PIK3C3: variants seen among roughly 807,000 people sequenced by gnomAD.
PIK3C3 encodes phosphatidylinositol 3-kinase catalytic subunit type 3.
In PIK3C3, 95 loss-of-function variants were observed where a neutral mutation model predicts 126.1. That is an observed-to-expected ratio of 0.75 (90% CI 0.64 to 0.89). The LOEUF is 0.89. Ranked by LOEUF, PIK3C3 falls within the 40% of genes least tolerant of loss-of-function variation. PIK3C3 has a pLI of 0.00. For missense variants in PIK3C3, 829 were observed against 1,063.2 expected, an observed-to-expected ratio of 0.78 and a Z score of 3.06; for synonymous variants, 374 against 360.0, an observed-to-expected ratio of 1.04 and a Z score of -0.44.
chr18:42,035,521 A>T (rs533266129), intron 16 of PIK3C3, among the ~76,000 whole-genome samples: 5 of 152,246 alleles, frequency 3.3e-5, no homozygotes, highest in African/African-American at 7.2e-5. Context: ...TTTTGACCTC[A>T]GTATTCAGTC....
At position 42,084,211 on chromosome 18, in the gene PIK3C3, G is replaced by A. The variant is rs1000339350; in HGVS notation, c.*3074G>A. 6.6e-6 allele frequency: 1 copy of A among 151,540 alleles called. No homozygotes were observed. Among genetic ancestry groups the A allele is most frequent in the East Asian group, 1.9e-4 (1 of 5,190 alleles). 9.4% of individuals were successfully genotyped at this position (151,540 alleles called of 1,614,324 possible). A position where few individuals can be genotyped will look rare whatever the true frequency, so the allele number is the denominator to read the frequency against. On this transcript the variant is annotated 3_prime_UTR_variant, in exon 25 of 25. Coordinates refer to ENST00000262039, the MANE Select transcript of PIK3C3 (RefSeq NM_002647.4). ...ACCTTAAGTATATTTTTGCACATAA[G>A]TATAACATTGCGATTTAAAACAATA...
At chr18:42,036,895 G>A (rs1174638460) in intron 16 of PIK3C3, among the ~76,000 whole-genome samples, 3 of 152,126 alleles carry the variant, frequency 2.0e-5, no homozygotes, top group East Asian at 3.8e-4. Flanking sequence ...TGCCGCAAGT[G>A]GAAAATCCTC....
chr18:42,061,110 G>A (rs776681583), intron 22 of PIK3C3, among the ~76,000 whole-genome samples: 23 of 152,172 alleles, frequency 1.5e-4, no homozygotes, highest in African/African-American at 5.6e-4. Context: ...TAGCACAATA[G>A]TTGGCATGAA....
intron 6 of PIK3C3, among the ~76,000 whole-genome samples, 155 bp from the exon 7 acceptor site, chr18:41,993,115 G>T (rs991887079): frequency 2.0e-5 from 3 of 152,082 alleles, no homozygotes; most frequent in Non-Finnish European, 2.9e-5. Flanking sequence ...AAGTGGACAT[G>T]CATTTTATAA....
In PIK3C3 at chr18:42,013,469, G is replaced by A; in HGVS notation, c.1198G>A (p.Val400Ile). Residue 400 changes from valine (V) to isoleucine (I), a missense_variant, in exon 11 of 25, where the codon GTC (valine) becomes ATC (isoleucine). Val to Ile is a conservative substitution (Grantham distance 29). Around this residue, in one of 4 missense-constraint regions of PIK3C3, gnomAD observed 256 missense variants for 291.0 expected, o/e 0.88. Coordinates refer to ENST00000262039, the MANE Select transcript of PIK3C3 (RefSeq NM_002647.4). ...EDLLMYLLQL[V>I]QALKYENFDD... is the part of the protein sequence containing the mutation. ...TTTGTTGATGTACCTATTACAATTG[G>A]TCCAGGCTCTCAAATATGAAAATTT... is the stretch of plus-strand genomic sequence containing the variant. 3 of 1,585,188 alleles carry A rather than the reference G, an allele frequency of 1.9e-6. No homozygotes were observed. The highest frequency in any genetic ancestry group is 2.6e-6 in the Non-Finnish European group (3 of 1,166,278).
chr18:42,067,607 T>A, intron 24 of PIK3C3, 94 bp downstream of exon 24: 2 of 1,364,792 alleles, frequency 1.5e-6, no homozygotes, highest in Non-Finnish European at 2.0e-6. Context: ...CCAGTTGACA[T>A]CTTTTCTGTT....
intron 10 of PIK3C3, among the ~76,000 whole-genome samples, chr18:42,008,995 A>G (rs1447639502): frequency 6.6e-6 from 1 of 152,146 alleles, no homozygotes; most frequent in Non-Finnish European, 1.5e-5. Context: ...CACAGGTAAT[A>G]GATTGAGCAG....
intron 1 of PIK3C3, among the ~76,000 whole-genome samples, chr18:41,956,773 G>T (rs1050148921): frequency 6.6e-6 from 1 of 152,066 alleles, no homozygotes; most frequent in Non-Finnish European, 1.5e-5. Flanking sequence ...CCCTGCCCTA[G>T]TGTTTATTCT....
chr18:42,048,501 T>G (rs1481385800), intron 20 of PIK3C3, among the ~76,000 whole-genome samples: 1 of 152,246 alleles, frequency 6.6e-6, no homozygotes, highest in Non-Finnish European at 1.5e-5. Context: ...CTGAAGTTTT[T>G]CATTTGAAGG....
chr18:42,051,115 A>T (rs567303871), intron 21 of PIK3C3: 1 of 152,376 alleles, frequency 6.6e-6, no homozygotes, highest in South Asian at 2.1e-4. Flanking sequence ...AGTTAACAGA[A>T]GAGACAGAAA....
intron 12 of PIK3C3, among the ~76,000 whole-genome samples, chr18:42,019,293 CTT>C (rs1983216336): frequency 6.6e-6 from 1 of 152,144 alleles, no homozygotes; most frequent in African/African-American, 2.4e-5. Flanking sequence ...AACCACATCT[CTT>C]GAAACAGCAC....
Position 42,001,455 on chromosome 18 carries a change from A to G in PIK3C3, c.985-2901A>G, listed in dbSNP as rs140618243. On this transcript the variant is annotated intron_variant, in intron 9 of 24. Coordinates refer to ENST00000262039, the MANE Select transcript of PIK3C3 (RefSeq NM_002647.4). Reference sequence around the variant, plus strand: ...CACAGAGAGAGAATTGCTCTTTACAATTCTCTTTACATTTTTACATGGATC... The same window carrying G: ...CACAGAGAGAGAATTGCTCTTTACAGTTCTCTTTACATTTTTACATGGATC... 2.9e-3 allele frequency among the ~76,000 whole-genome samples: 449 copies of G among 152,284 alleles called. 3 individuals carry two copies. The highest frequency in any genetic ancestry group is 0.026 in the Admixed American group (392 of 15,294).
In PIK3C3 at chr18:42,081,849, C is replaced by G. The variant is rs1986262496; in HGVS notation, c.*712C>G. The G allele has an allele frequency of 6.6e-6, 1 of 152,104 alleles. No individual in the cohort carries two copies. 9.4% of individuals were successfully genotyped at this position (152,104 alleles called of 1,614,324 possible). A position where few individuals can be genotyped will look rare whatever the true frequency, so the allele number is the denominator to read the frequency against. ...GATAACTGGCCAAAAGGTCATATGA[C>G]CACCAGTTTTAGTATTGAGCATAAG... On this transcript the variant is annotated 3_prime_UTR_variant, in exon 25 of 25. Coordinates refer to ENST00000262039, the MANE Select transcript of PIK3C3 (RefSeq NM_002647.4).
At chr18:42,061,251 GTTA>G (rs775216028) in intron 22 of PIK3C3, among the ~76,000 whole-genome samples, 4 of 151,954 alleles carry the variant, frequency 2.6e-5, no homozygotes, top group South Asian at 2.1e-4. Flanking sequence ...CCCTATTATT[GTTA>G]TTATTATTTT....
intron 24 of PIK3C3, among the ~76,000 whole-genome samples, chr18:42,069,703 G>A (rs1216942488): frequency 2.6e-5 from 4 of 152,276 alleles, no homozygotes; most frequent in South Asian, 4.1e-4. Context: ...ATCTACAAGT[G>A]TAGAAATATC....
intron 10 of PIK3C3, among the ~76,000 whole-genome samples, chr18:42,008,179 AT>A (rs1211526156): frequency 2.0e-5 from 3 of 152,178 alleles, no homozygotes; most frequent in African/African-American, 7.2e-5. Context: ...CTGATTTAGG[AT>A]TTTTTTAATG....
chr18:41,969,209 T>C (rs188166197), intron 3 of PIK3C3, among the ~76,000 whole-genome samples: 3 of 152,288 alleles, frequency 2.0e-5, no homozygotes, highest in African/African-American at 7.2e-5. Context: ...TCTAGTTTTT[T>C]TCTTTCTATT....
At position 42,027,469 on chromosome 18, in the gene PIK3C3, A is replaced by G. The variant is rs778075512; in HGVS notation, c.1511A>G (p.Gln504Arg). 5.6e-6 allele frequency: 9 copies of G among 1,606,984 alleles called. No individual in the cohort carries two copies. The South Asian group carries it at 8.8e-5, about 16-fold the overall frequency. The part of the protein sequence containing the change: ...YWYVIVECED[Q>R]DTQQRDPKTH... ...TATGTGATAGTGGAATGTGAAGATC[A>G]AGATACTCAGCAGAGAGATCCAAAG... The change falls in exon 14 of 25, where the codon CAA becomes CGA. Residue 504 changes from glutamine to arginine, a missense_variant. Physicochemically the swap from Gln to Arg is conservative, Grantham distance 43. This residue lies in a region of PIK3C3 where 256 missense variants were observed against 291.0 expected (regional missense o/e 0.88). Coordinates refer to ENST00000262039, the MANE Select transcript of PIK3C3 (RefSeq NM_002647.4).
Position 41,962,628 on chromosome 18 carries a change from T to TA in PIK3C3, c.398dup (p.Tyr133Ter). Residue 133 changes from tyrosine to a stop codon, truncating the protein, a stop_gained and frameshift_variant, in exon 3 of 25, where the codon TAC becomes TAAC. Coordinates refer to ENST00000262039, the MANE Select transcript of PIK3C3 (RefSeq NM_002647.4). LOFTEE classifies it high-confidence loss of function. ...GGTTVSLFGK[Y>*]GMFRQGMHDL... is the part of the protein sequence containing the mutation. Reference sequence around the variant, plus strand: ...AACAACGGTTTCGCTCTTTGGAAAATACGGGTAAGCATTCTGTTGGTCTCA... The same window carrying TA: ...AACAACGGTTTCGCTCTTTGGAAAATAACGGGTAAGCATTCTGTTGGTCTCA... The TA allele has an allele frequency of 6.2e-7, 1 of 1,610,586 alleles. No individual in the cohort carries two copies. The highest frequency in any genetic ancestry group is 8.5e-7 in the Non-Finnish European group (1 of 1,177,990).
Sources: gnomAD v4.1 joint callset for allele counts (sites outside exome capture counted in the v4.1 genomes callset) on GRCh38, gnomAD v4.1.1 for gene constraint, gnomAD v4.1.1 regional missense constraint, MANE v1.5 for transcripts, NCBI Gene and HGNC (gene_info 2026-07-23, HGNC 2026-07-21) for gene names.